The following GPHN variants were observed in gnomAD, a reference collection of about 807,000 sequenced individuals.
The protein encoded by GPHN is gephyrin.
In GPHN, 17 loss-of-function variants were observed where a neutral mutation model predicts 95.5. That is an observed-to-expected ratio of 0.18 (90% CI 0.12 to 0.27). GPHN has a LOEUF of 0.27. Ranked by LOEUF, GPHN falls within the 10% of genes least tolerant of loss-of-function variation. GPHN has a pLI of 1.00. For synonymous variants in GPHN, 320 were observed against 322.5 expected, an observed-to-expected ratio of 0.99 and a Z score of 0.08; for missense variants, 660 against 978.1, an observed-to-expected ratio of 0.67 and a Z score of 4.34.
the GPHN span, among the ~76,000 whole-genome samples, chr14:67,706,485 T>C: frequency 1.3e-5 from 2 of 152,208 alleles, no homozygotes; most frequent in South Asian, 4.1e-4. Flanking sequence ...TCAATCAACA[T>C]ATGGAAAATG....
chr14:67,624,136 C>T, the GPHN span, among the ~76,000 whole-genome samples: 3 of 152,164 alleles, frequency 2.0e-5, no homozygotes, highest in Non-Finnish European at 4.4e-5. Context: ...AGTATATCTG[C>T]ACTCGATTTT....
At chr14:67,632,013 C>T in the GPHN span, among the ~76,000 whole-genome samples, 7 of 152,070 alleles carry the variant, frequency 4.6e-5, no homozygotes, top group Non-Finnish European at 1.0e-4. Context: ...TAGCTTGGAC[C>T]ACAGGCTTGT....
intron 3 of GPHN, among the ~76,000 whole-genome samples, chr14:66,785,854 C>T (rs565379382): frequency 1.1e-4 from 17 of 150,386 alleles, no homozygotes; most frequent in Non-Finnish European, 2.2e-4. Flanking sequence ...TTTACACAAA[C>T]GAAAAATGAA....
At chr14:66,649,945 A>G (rs1595400084) in intron 1 of GPHN, among the ~76,000 whole-genome samples, 1 of 152,112 alleles carries the variant, frequency 6.6e-6, no homozygotes. Context: ...TCTTTCCTGC[A>G]TTACACACTT....
chr14:66,794,403 T>G (rs111801571), intron 3 of GPHN, among the ~76,000 whole-genome samples: 1,924 of 152,338 alleles, frequency 0.013, 37 homozygotes, highest in African/African-American at 0.044. Context: ...ATCATCATGT[T>G]TCCTGTACAG....
chr14:67,048,873 C>G (rs1188866573), intron 10 of GPHN, among the ~76,000 whole-genome samples: 1 of 152,070 alleles, frequency 6.6e-6, no homozygotes, highest in Non-Finnish European at 1.5e-5. Context: ...CTCTTTGTGA[C>G]CATTAGTAAT....
Position 67,165,227 on chromosome 14 carries a change from G to T in GPHN, c.1975+1G>T. 1 of 1,591,480 alleles carries T rather than the reference G, an allele frequency of 6.3e-7. No individual in the cohort carries two copies. ...AGAAAAATAATCTTTGCACTACCTG[G>T]TAAGAATAACAAATTGTTTCCTTTC... On this transcript the variant is annotated splice_donor_variant, in intron 20 of 22. Transcript: ENST00000478722. LOFTEE classifies it high-confidence loss of function.
At chr14:67,469,711 G>T in the GPHN span, among the ~76,000 whole-genome samples, 1 of 152,128 alleles carries the variant, frequency 6.6e-6, no homozygotes, top group East Asian at 1.9e-4. Context: ...GGTACATAAA[G>T]GGGGAGAGAT....
chr14:67,034,236 T>A (rs919996114), intron 10 of GPHN, among the ~76,000 whole-genome samples: 3 of 152,116 alleles, frequency 2.0e-5, no homozygotes, highest in Non-Finnish European at 4.4e-5. Flanking sequence ...GGATGGAAAA[T>A]GTAAATGAGT....
In GPHN at chr14:66,801,278, A is replaced by C. The variant is rs150975077; in HGVS notation, c.202-23196A>C. On this transcript the variant is annotated intron_variant, in intron 3 of 22. Coordinates refer to ENST00000478722, the MANE Select transcript of GPHN (RefSeq NM_020806.5). ...TGCAGATGTTCATCTGTGTCTGGGC[A>C]TTAAAGTGTTATGTATTTCCTGTAG... Among the ~76,000 whole-genome samples, 1,251 of 152,218 alleles carry C rather than the reference A, an allele frequency of 8.2e-3. 19 individuals are homozygous for C. Among genetic ancestry groups the C allele is most frequent in the East Asian group, 0.055 (284 of 5,168 alleles).
the GPHN span, among the ~76,000 whole-genome samples, chr14:67,263,445 T>C: frequency 6.1e-3 from 930 of 152,338 alleles, 11 homozygotes; most frequent in African/African-American, 0.021. Context: ...CTTCATAGAA[T>C]TTCATTGTTT....
the GPHN span, among the ~76,000 whole-genome samples, chr14:67,440,687 G>T: frequency 6.6e-6 from 1 of 151,970 alleles, no homozygotes; most frequent in South Asian, 2.1e-4. Flanking sequence ...GGGAGCCAAA[G>T]GTTGCAGTGA....
chr14:67,650,050 C>T, the GPHN span: 3 of 152,206 alleles, frequency 2.0e-5, no homozygotes, highest in African/African-American at 7.3e-5. Context: ...TAACTGAAGT[C>T]CAGATAAAAT....
the GPHN span, among the ~76,000 whole-genome samples, chr14:67,521,819 C>T: frequency 1.3e-5 from 2 of 152,180 alleles, no homozygotes; most frequent in South Asian, 4.1e-4. Flanking sequence ...CACATCACCT[C>T]ATACTTTTAA....
intron 4 of GPHN, among the ~76,000 whole-genome samples, chr14:66,870,711 T>G (rs527826648): frequency 1.1e-4 from 17 of 152,300 alleles, no homozygotes; most frequent in African/African-American, 3.8e-4. Flanking sequence ...TGAAAGGTAT[T>G]CACAAATTTG....
chr14:67,517,997 C>T, the GPHN span, among the ~76,000 whole-genome samples: 1 of 152,112 alleles, frequency 6.6e-6, no homozygotes, highest in Admixed American at 6.5e-5. Flanking sequence ...GTAAGGGGCC[C>T]CCCTGGCTTT....
chr14:66,545,607 G>A (rs2059545512), intron 1 of GPHN, among the ~76,000 whole-genome samples: 2 of 129,702 alleles, frequency 1.5e-5, no homozygotes, highest in Admixed American at 7.4e-5. Flanking sequence ...CCGGGCGGGG[G>A]GCTGACCCCC....
chr14:67,263,627 G>T, the GPHN span, among the ~76,000 whole-genome samples: 1 of 152,120 alleles, frequency 6.6e-6, no homozygotes, highest in African/African-American at 2.4e-5. Context: ...ATACAGACTT[G>T]GTGTGTGTTT....
the GPHN span, chr14:67,241,403 G>A: frequency 4.7e-3 from 720 of 154,582 alleles, 3 homozygotes; most frequent in Non-Finnish European, 7.4e-3. Flanking sequence ...CGGGGACTAA[G>A]GATTCTGAGG....
Sources: gnomAD v4.1 joint callset for allele counts (sites outside exome capture counted in the v4.1 genomes callset) on GRCh38, gnomAD v4.1.1 for gene constraint, MANE v1.5 for transcripts, NCBI Gene and HGNC (gene_info 2026-07-23, HGNC 2026-07-21) for gene names.